Variants in TCERG1 observed in about 807,000 individuals in gnomAD.
The protein encoded by TCERG1 is TATA box binding protein (TBP)-associated factor, RNA polymerase II, S, 150kD.
In TCERG1, 37 loss-of-function variants were observed where a neutral mutation model predicts 144.7. The ratio of observed to expected loss-of-function variants is 0.26; its 90% CI spans 0.20 to 0.34. The LOEUF is 0.34. Among genes scored for constraint, TCERG1 ranks in the 10% least tolerant of loss-of-function variants. The pLI is 1.00. For missense variants in TCERG1, 1,027 were observed against 1,380.7 expected, an observed-to-expected ratio of 0.74 and a Z score of 4.06; for synonymous variants, 492 against 458.2, an observed-to-expected ratio of 1.07 and a Z score of -0.94.
intron 1 of TCERG1, among the ~76,000 whole-genome samples, chr5:146,447,672 C>G (rs1008356183): frequency 6.6e-6 from 1 of 152,246 alleles, no homozygotes; most frequent in African/African-American, 2.4e-5. Flanking sequence ...GCCTGCAGCC[C>G]TCTGGCCGGG....
At position 146,507,001 on chromosome 5, in the gene TCERG1, GATAT is replaced by G. The variant is rs532913914; in HGVS notation, c.2782-19_2782-16del. The G allele has an allele frequency of 1.3e-6, 2 of 1,522,510 alleles. No homozygotes were observed. The highest frequency in any genetic ancestry group is 2.8e-5 in the African/African-American group (2 of 70,984). 94.3% of individuals were successfully genotyped at this position (1,522,510 alleles called of 1,614,324 possible). The stretch of plus-strand genomic sequence containing the variant: ...GGACATTCAGATAAGTCTCTTTGGT[GATAT>G]ATATATAATTTTTTCTCTTCAGGTA... On this transcript the variant is annotated intron_variant, in intron 19 of 22. Coordinates refer to ENST00000679501, the MANE Select transcript of TCERG1 (RefSeq NM_001382548.1). This position sits in a 1 kb window ranked among gnomAD's most constrained non-coding sequence, Gnocchi z 4.6.
intron 1 of TCERG1, among the ~76,000 whole-genome samples, chr5:146,448,671 T>C (rs1762105846): frequency 1.3e-5 from 2 of 152,234 alleles, no homozygotes; most frequent in South Asian, 2.1e-4. Flanking sequence ...AGATTCTGTA[T>C]GGTCGCACAC....
At chr5:146,475,564 C>T (rs887284755) in intron 9 of TCERG1, among the ~76,000 whole-genome samples, 1 of 152,088 alleles carries the variant, frequency 6.6e-6, no homozygotes, top group Admixed American at 6.5e-5. Flanking sequence ...AAACTCTGGC[C>T]AAGATTGATT....
chr5:146,477,877 A>AT (rs1159204340), intron 9 of TCERG1, among the ~76,000 whole-genome samples: 12 of 151,400 alleles, frequency 7.9e-5, no homozygotes, highest in African/African-American at 2.9e-4. Context: ...TTTAATTAAT[A>AT]TTTTTTGTAG....
chr5:146,501,880 A>T (rs1767483193), intron 17 of TCERG1, among the ~76,000 whole-genome samples: 1 of 147,064 alleles, frequency 6.8e-6, no homozygotes, highest in Admixed American at 7.1e-5. Flanking sequence ...AAAGAACATC[A>T]ACTTCACTTT....
intron 9 of TCERG1, among the ~76,000 whole-genome samples, chr5:146,476,352 T>C (rs1174148099): frequency 6.6e-6 from 1 of 152,222 alleles, no homozygotes; most frequent in East Asian, 1.9e-4. Flanking sequence ...GATAGTGACC[T>C]AATTACTCAT....
chr5:146,489,601 A>G (rs1419925645), intron 15 of TCERG1, among the ~76,000 whole-genome samples: 1 of 152,174 alleles, frequency 6.6e-6, no homozygotes, highest in Non-Finnish European at 1.5e-5. Context: ...TTGAAACAGA[A>G]AAGATAAAAT....
chr5:146,505,881 A>G (rs1767945039), intron 19 of TCERG1, among the ~76,000 whole-genome samples: 1 of 152,070 alleles, frequency 6.6e-6, no homozygotes, highest in Non-Finnish European at 1.5e-5. Context: ...GGTTCAAGTG[A>G]TTCTCCTGCC....
chr5:146,487,426 T>C (rs754106459), intron 15 of TCERG1, among the ~76,000 whole-genome samples: 3 of 151,552 alleles, frequency 2.0e-5, no homozygotes, highest in Non-Finnish European at 4.4e-5. Flanking sequence ...AAAATACGAG[T>C]GACATTCAAA....
chr5:146,502,284 C>T (rs1652696030), intron 17 of TCERG1, among the ~76,000 whole-genome samples: 2 of 152,244 alleles, frequency 1.3e-5, no homozygotes, highest in Admixed American at 6.5e-5. Context: ...TTTGTGCATA[C>T]ACATTTTAAA....
chr5:146,467,025 T>G (rs765226637), intron 5 of TCERG1, among the ~76,000 whole-genome samples: 5 of 152,344 alleles, frequency 3.3e-5, no homozygotes, highest in Non-Finnish European at 5.9e-5. Context: ...TCCATTGCTT[T>G]CTTTCAACAT....
At chr5:146,473,286 C>T (rs1256016803) in intron 9 of TCERG1, among the ~76,000 whole-genome samples, 2 of 152,178 alleles carry the variant, frequency 1.3e-5, no homozygotes, top group African/African-American at 4.8e-5. Flanking sequence ...AGATGCCCTA[C>T]CTGCCCTCAG....
At chr5:146,499,285 TG>T (rs1455398603) in intron 17 of TCERG1, among the ~76,000 whole-genome samples, 2 of 152,198 alleles carry the variant, frequency 1.3e-5, no homozygotes, top group East Asian at 3.8e-4. Flanking sequence ...CTTAGTGTCC[TG>T]GTATGCTTTG....
At chr5:146,474,749 C>T (rs1764677353) in intron 9 of TCERG1, among the ~76,000 whole-genome samples, 1 of 152,106 alleles carries the variant, frequency 6.6e-6, no homozygotes, top group African/African-American at 2.4e-5. Context: ...CATTATGATG[C>T]CCTGAAAGCT....
intron 3 of TCERG1, 33 bp downstream of exon 3, chr5:146,457,368 G>T: frequency 1.3e-6 from 2 of 1,559,086 alleles, no homozygotes; most frequent in Non-Finnish European, 1.7e-6. Context: ...GTTGTCATTT[G>T]TTGACAGAGG....
intron 10 of TCERG1, 60 bp downstream of exon 10, chr5:146,478,713 A>C: frequency 6.8e-7 from 1 of 1,464,480 alleles, no homozygotes; most frequent in South Asian, 1.5e-5. Context: ...ATTTTGATAG[A>C]AAATGTGGAA....
intron 5 of TCERG1, among the ~76,000 whole-genome samples, chr5:146,467,911 G>A (rs1763931469): frequency 6.6e-6 from 1 of 152,156 alleles, no homozygotes; most frequent in South Asian, 2.1e-4. Context: ...GCTCCTGCAT[G>A]TAGTTTCAAC....
chr5:146,451,290 T>A (rs886880280), intron 1 of TCERG1, among the ~76,000 whole-genome samples: 3 of 152,040 alleles, frequency 2.0e-5, no homozygotes, highest in African/African-American at 7.2e-5. Context: ...GAAAAAGACC[T>A]TCTGATTATT....
At position 146,459,385 on chromosome 5, in the gene TCERG1, A is replaced by G. The variant is rs374406846; in HGVS notation, c.892+48A>G. 5.4e-5 allele frequency: 85 copies of G among 1,581,062 alleles called. 1 individual carries two copies. In the South Asian group the frequency reaches 9.0e-4, roughly 17 times the overall value. ...TTTTATATAGGGGCTAGAGACATGAACAAGTAGGGGACTACATTTCATATT... is the reference window on the plus strand; with the variant it reads ...TTTTATATAGGGGCTAGAGACATGAGCAAGTAGGGGACTACATTTCATATT... On this transcript the variant is annotated intron_variant, in intron 4 of 22. Coordinates refer to ENST00000679501, the MANE Select transcript of TCERG1 (RefSeq NM_001382548.1).
Sources: allele counts gnomAD v4.1 joint callset (sites outside exome capture counted in the v4.1 genomes callset), GRCh38; gene constraint gnomAD v4.1.1; non-coding constraint Gnocchi (gnomAD v3.1); transcripts MANE v1.5; gene names NCBI Gene and HGNC (gene_info 2026-07-23, HGNC 2026-07-21).